DCC: variants seen among roughly 807,000 people sequenced by gnomAD.
DCC encodes the protein netrin receptor DCC.
Under a neutral mutation model 172.5 loss-of-function variants are expected in DCC, and 58 were observed. That is an observed-to-expected ratio of 0.34 (90% CI 0.27 to 0.42). The LOEUF is 0.42. DCC is among the 10% of genes least tolerant of loss of function. The probability of loss-of-function intolerance (pLI) is 1.00; values close to 1 mark genes in which losing one functional copy is unlikely to be tolerated. For synonymous variants in DCC, 709 were observed against 644.5 expected, an observed-to-expected ratio of 1.10 and a Z score of -1.52; for missense variants, 1,740 against 1,791.0, an observed-to-expected ratio of 0.97 and a Z score of 0.51.
chr18:52,420,777 A>G (rs1022914045), intron 1 of DCC, among the ~76,000 whole-genome samples: 7 of 152,102 alleles, frequency 4.6e-5, no homozygotes, highest in Non-Finnish European at 1.0e-4. Flanking sequence ...AAGGGCCTCA[A>G]ATGAAAACCC....
At chr18:53,340,207 C>G (rs1163517092) in intron 15 of DCC, among the ~76,000 whole-genome samples, 1 of 151,990 alleles carries the variant, frequency 6.6e-6, no homozygotes, top group Non-Finnish European at 1.5e-5. Flanking sequence ...ACAAAAAGTG[C>G]GTTGGGCCAT....
chr18:53,077,100 G>A (rs1195115881), intron 7 of DCC, among the ~76,000 whole-genome samples: 1 of 151,638 alleles, frequency 6.6e-6, no homozygotes, highest in African/African-American at 2.4e-5. Context: ...TTTTAACTTG[G>A]TGTTCATTCC....
At chr18:52,961,938 A>T (rs1221084283) in intron 5 of DCC, among the ~76,000 whole-genome samples, 1 of 152,208 alleles carries the variant, frequency 6.6e-6, no homozygotes, top group Admixed American at 6.5e-5. Context: ...CCTTCCTTAC[A>T]GCTTATACAA....
chr18:53,091,855 CTATCTA>C lies in DCC; in HGVS notation c.1261+25693_1261+25698del, dbSNP rs1201716247. Among the ~76,000 whole-genome samples, 59 of 67,932 alleles carry C rather than the reference CTATCTA, an allele frequency of 8.7e-4. 2 individuals carry two copies. The highest frequency in any genetic ancestry group is 3.8e-3 in the South Asian group (4 of 1,042). 44.6% of individuals were successfully genotyped at this position (67,932 alleles called of 152,430 possible). A position where few individuals can be genotyped will look rare whatever the true frequency, so the allele number is the denominator to read the frequency against. On this transcript the variant is annotated intron_variant, in intron 7 of 28. Coordinates refer to ENST00000442544, the MANE Select transcript of DCC (RefSeq NM_005215.4). Reference sequence around the variant, plus strand: ...TCTATCTATCTATCTATCTATCAATCTATCTATATATATATATATATCTACATAAAT... The same window carrying C: ...TCTATCTATCTATCTATCTATCAATCTATATATATATATATCTACATAAAT...
At chr18:52,691,373 T>G (rs904655079) in intron 1 of DCC, among the ~76,000 whole-genome samples, 5 of 152,118 alleles carry the variant, frequency 3.3e-5, no homozygotes, top group African/African-American at 1.2e-4. Flanking sequence ...TACCAAAAAC[T>G]AGGTGACTTG....
rs530546399 is a variant in DCC, at chr18:52,662,638, A to G, written c.92-89416A>G. ...GAAAGAAAGAAAGAGAAAGAAGCGA[A>G]AAGAAGAAAACAAGGGATGGAAGGA... On this transcript the variant is annotated intron_variant, in intron 1 of 28. Coordinates refer to ENST00000442544, the MANE Select transcript of DCC (RefSeq NM_005215.4). Among the ~76,000 whole-genome samples the G allele has an allele frequency of 4.0e-5, 6 of 151,408 alleles. No individual in the cohort carries two copies. The East Asian group carries it at 1.2e-3, about 30-fold the overall frequency.
chr18:52,960,327 C>G (rs2040822434), intron 5 of DCC, among the ~76,000 whole-genome samples: 1 of 152,126 alleles, frequency 6.6e-6, no homozygotes, highest in South Asian at 2.1e-4. Flanking sequence ...ACATAAATCA[C>G]TACACTTTAC....
chr18:52,888,872 A>G (rs1276810781), intron 2 of DCC, among the ~76,000 whole-genome samples: 1 of 152,094 alleles, frequency 6.6e-6, no homozygotes, highest in Non-Finnish European at 1.5e-5. Flanking sequence ...TGCATATATA[A>G]GTATACATAT....
At chr18:52,391,053 C>A (rs568934313) in intron 1 of DCC, among the ~76,000 whole-genome samples, 59 of 152,030 alleles carry the variant, frequency 3.9e-4, no homozygotes, top group African/African-American at 1.4e-3. Flanking sequence ...ATTATACACA[C>A]TTTTAGGCTT....
intron 9 of DCC, among the ~76,000 whole-genome samples, chr18:53,185,442 G>T (rs1216049613): frequency 1.3e-5 from 2 of 151,880 alleles, no homozygotes; most frequent in South Asian, 2.1e-4. Flanking sequence ...AAGCCACATT[G>T]GTCTATTTAA....
chr18:52,960,680 T>C (rs574449122), intron 5 of DCC, among the ~76,000 whole-genome samples: 1 of 152,098 alleles, frequency 6.6e-6, no homozygotes, highest in Non-Finnish European at 1.5e-5. Flanking sequence ...CTTGTACTCT[T>C]TACTGACTTC....
intron 12 of DCC, among the ~76,000 whole-genome samples, chr18:53,244,806 A>G (rs1191685360): frequency 6.6e-6 from 1 of 152,134 alleles, no homozygotes; most frequent in Non-Finnish European, 1.5e-5. Flanking sequence ...TCTGGTTTAC[A>G]TATTCCTAAT....
At chr18:52,767,954 G>A (rs2037280840) in intron 2 of DCC, among the ~76,000 whole-genome samples, 2 of 152,188 alleles carry the variant, frequency 1.3e-5, no homozygotes, top group Non-Finnish European at 2.9e-5. Context: ...GAGAATGTGT[G>A]TTAGGCACAA....
At chr18:53,305,843 T>C in intron 13 of DCC, 124 bp downstream of exon 13, 2 of 944,792 alleles carry the variant, frequency 2.1e-6, no homozygotes, top group Non-Finnish European at 3.5e-6. Flanking sequence ...TGACATCTAT[T>C]GGCTGGAACA....
chr18:53,467,831 G>A lies in DCC; in HGVS notation c.3620-63G>A. ...TGAAAAGGCATTGGAATGCCTGCTA[G>A]AAATTAGGTAAAGTGTTGCATCCTT... On this transcript the variant is annotated intron_variant, in intron 24 of 28. Coordinates refer to ENST00000442544, the MANE Select transcript of DCC (RefSeq NM_005215.4). 3.5e-6 allele frequency: 3 copies of A among 864,004 alleles called. No homozygotes were observed. The South Asian group carries it at 3.9e-5, about 11-fold the overall frequency. 53.5% of individuals were successfully genotyped at this position (864,004 alleles called of 1,614,324 possible).
intron 2 of DCC, among the ~76,000 whole-genome samples, chr18:52,897,152 G>C (rs1214058055): frequency 6.6e-6 from 1 of 152,188 alleles, no homozygotes; most frequent in Non-Finnish European, 1.5e-5. Context: ...GTCTGTTTCT[G>C]GGTCTCATGT....
At chr18:52,366,200 C>G (rs557679374) in intron 1 of DCC, among the ~76,000 whole-genome samples, 1 of 151,988 alleles carries the variant, frequency 6.6e-6, no homozygotes, top group African/African-American at 2.4e-5. Context: ...CTAATGTGTC[C>G]GGAATTGGTG....
intron 2 of DCC, among the ~76,000 whole-genome samples, chr18:52,862,047 A>C (rs1202526839): frequency 6.6e-6 from 1 of 152,190 alleles, no homozygotes; most frequent in Non-Finnish European, 1.5e-5. Context: ...TGTGACTGAT[A>C]ACATATCAGA....
At chr18:52,399,701 T>G (rs1176487102) in intron 1 of DCC, among the ~76,000 whole-genome samples, 1 of 151,998 alleles carries the variant, frequency 6.6e-6, no homozygotes, top group Non-Finnish European at 1.5e-5. Context: ...CACTTTTCTG[T>G]GATGTTATGA....
Sources: allele counts gnomAD v4.1 joint callset (sites outside exome capture counted in the v4.1 genomes callset), GRCh38; gene constraint gnomAD v4.1.1; transcripts MANE v1.5; gene names NCBI Gene and HGNC (gene_info 2026-07-23, HGNC 2026-07-21).